SUSD1: variants seen among roughly 807,000 people sequenced by gnomAD.
SUSD1 encodes the protein sushi domain containing 1, also known as sushi domain-containing protein 1.
A neutral mutation model predicts 86.9 loss-of-function variants in SUSD1; 65 were observed. The ratio of observed to expected loss-of-function variants is 0.75; its 90% CI spans 0.61 to 0.92. The LOEUF (loss-of-function observed/expected upper bound fraction) is 0.92. SUSD1 is among the 40% of genes least tolerant of loss of function. The pLI, the probability that SUSD1 is intolerant of heterozygous loss-of-function variation, is 0.00. For missense variants in SUSD1, 850 were observed against 929.7 expected (o/e 0.91, Z 1.11); for synonymous variants, 346 against 350.0 (o/e 0.99, Z 0.13).
At chr9:112,112,090 A>G in intron 7 of SUSD1, 1 of 368,886 alleles carries the variant, frequency 2.7e-6, no homozygotes. Context: ...AAATGGAGAC[A>G]ATTGCAACCT....
In SUSD1 at chr9:112,078,813, T is replaced by C. The variant is rs879010808; in HGVS notation, c.1567-89A>G. 2.6e-4 allele frequency: 132 copies of C among 501,966 alleles called. No homozygotes were observed. The South Asian group carries it at 4.3e-3, about 16-fold the overall frequency. 31.1% of individuals were successfully genotyped at this position (501,966 alleles called of 1,614,324 possible). A position where few individuals can be genotyped will look rare whatever the true frequency, so the allele number is the denominator to read the frequency against. The stretch of plus-strand genomic sequence containing the variant: ...CTCCCCTTTTCCTTTTTCTTTCTCT[T>C]TTTTTTTTTTTTTTTTTGAGATGGG... On this transcript the variant is annotated intron_variant, in intron 11 of 16. Coordinates refer to ENST00000374270, the MANE Select transcript of SUSD1 (RefSeq NM_022486.5).
intron 6 of SUSD1, among the ~76,000 whole-genome samples, chr9:112,115,824 G>GAAAAAAAAAAGAAAAAAAAAAAA (rs11269025): frequency 1.7e-5 from 2 of 120,948 alleles, no homozygotes; most frequent in African/African-American, 3.1e-5. Context: ...AAAAAAAAAA[G>GAAAAAAAAAAGAAAAAAAAAAAA]AAAAAAAAAA....
At chr9:112,045,333 T>C (rs1827909885) in intron 15 of SUSD1, among the ~76,000 whole-genome samples, 1 of 152,186 alleles carries the variant, frequency 6.6e-6, no homozygotes, top group African/African-American at 2.4e-5. Context: ...TTGATGAATA[T>C]GTTGAACTGA....
chr9:112,099,973 T>C (rs570655090), intron 9 of SUSD1, among the ~76,000 whole-genome samples: 2 of 152,334 alleles, frequency 1.3e-5, no homozygotes, highest in African/African-American at 4.8e-5. Flanking sequence ...CCCATATCCA[T>C]GGCCACAACC....
chr9:112,121,489 T>G (rs1232991974), intron 6 of SUSD1, among the ~76,000 whole-genome samples: 1 of 152,214 alleles, frequency 6.6e-6, no homozygotes. Flanking sequence ...AAGAGGGTCA[T>G]GCCGACAAAG....
At chr9:112,111,880 G>A (rs2131645259) in intron 7 of SUSD1, 40 bp from the exon 8 acceptor site, 1 of 1,597,984 alleles carries the variant, frequency 6.3e-7, no homozygotes, top group Non-Finnish European at 8.5e-7. Flanking sequence ...TCTGACTCCA[G>A]TCAAAACAAT....
chr9:112,081,246 G>T (rs2131562125), intron 10 of SUSD1, among the ~76,000 whole-genome samples: 3 of 152,296 alleles, frequency 2.0e-5, no homozygotes, highest in Middle Eastern at 6.8e-3. Flanking sequence ...CGTGAAAAAA[G>T]GAAGGTCTCA....
rs1321012903 is a variant in SUSD1, at chr9:112,045,630, G to A, written c.2150-3670C>T. Among the ~76,000 whole-genome samples the A allele has an allele frequency of 2.6e-5, 4 of 152,166 alleles. No individual in the cohort carries two copies. The East Asian group carries it at 7.7e-4, about 29-fold the overall frequency. ...CGGGAACTGCTGTTTTTTCTACCAG[G>A]GATACACAAGCCATCACTTGAAGAC... On this transcript the variant is annotated intron_variant, in intron 15 of 16. Transcript: ENST00000374270.
At chr9:112,054,901 G>A (rs1476983930) in intron 14 of SUSD1, among the ~76,000 whole-genome samples, 1 of 152,188 alleles carries the variant, frequency 6.6e-6, no homozygotes, top group Non-Finnish European at 1.5e-5. Context: ...GCAACCCACA[G>A]AATGGGCGAA....
At chr9:112,068,172 A>T (rs928444771) in intron 12 of SUSD1, among the ~76,000 whole-genome samples, 3 of 152,168 alleles carry the variant, frequency 2.0e-5, no homozygotes, top group Non-Finnish European at 4.4e-5. Flanking sequence ...TGATGGAGTT[A>T]TATACAGAGC....
intron 6 of SUSD1, among the ~76,000 whole-genome samples, chr9:112,123,076 C>T (rs1460994641): frequency 6.6e-6 from 1 of 152,164 alleles, no homozygotes; most frequent in Non-Finnish European, 1.5e-5. Flanking sequence ...CTGAACTGCA[C>T]ACTTAAAAAT....
At chr9:112,070,093 C>T (rs778916114) in intron 12 of SUSD1, among the ~76,000 whole-genome samples, 1 of 152,138 alleles carries the variant, frequency 6.6e-6, no homozygotes, top group Non-Finnish European at 1.5e-5. Context: ...GCAGCCTCCG[C>T]CTCCCGGGCT....
intron 6 of SUSD1, 80 bp downstream of exon 6, chr9:112,124,177 G>C: frequency 7.1e-7 from 1 of 1,399,300 alleles, no homozygotes; most frequent in African/African-American, 1.4e-5. Context: ...GAGTGAAGCA[G>C]CAATCAGATA....
intron 10 of SUSD1, among the ~76,000 whole-genome samples, chr9:112,094,880 C>T (rs76519469): frequency 0.044 from 6,714 of 152,194 alleles, 502 homozygotes; most frequent in African/African-American, 0.15. Flanking sequence ...AGTGAATGAT[C>T]AGTGTAGAAT....
rs140050061 is a variant in SUSD1, at chr9:112,161,651, C to T, written c.104-4038G>A. Among the ~76,000 whole-genome samples, 556 of 151,920 alleles carry T rather than the reference C, an allele frequency of 3.7e-3. 5 individuals are homozygous for T. The highest frequency in any genetic ancestry group is 0.012 in the African/African-American group (506 of 41,460). On this transcript the variant is annotated intron_variant, in intron 1 of 16. Transcript: ENST00000374270. ...CAGCCTGGTCAACATGGTGAAACAC[C>T]GTCTTTACTAAAATACAAAAATTAG...
rs577746155 is a variant in SUSD1, at chr9:112,116,235, T to C, written c.887-3367A>G. On this transcript the variant is annotated intron_variant, in intron 6 of 16. Coordinates refer to ENST00000374270, the MANE Select transcript of SUSD1 (RefSeq NM_022486.5). ...ACAACTGTAAATGGCATCTCAAAGA[T>C]GCCATCTGCCTCCAGCCTGTGCCAT... Among the ~76,000 whole-genome samples, 5 of 152,336 alleles carry C rather than the reference T, an allele frequency of 3.3e-5. No homozygotes were observed. The South Asian group carries it at 6.2e-4, about 19-fold the overall frequency.
intron 13 of SUSD1, 86 bp downstream of exon 13, chr9:112,062,851 A>G: frequency 1.1e-6 from 1 of 872,622 alleles, no homozygotes; most frequent in South Asian, 1.5e-5. Context: ...CCACCAACAC[A>G]GAAGTCTTCT....
intron 12 of SUSD1, among the ~76,000 whole-genome samples, chr9:112,064,163 G>A (rs1210125722): frequency 2.6e-5 from 4 of 151,736 alleles, no homozygotes; most frequent in Non-Finnish European, 5.9e-5. Flanking sequence ...GTCTACATTT[G>A]CCCTATAGCC....
intron 8 of SUSD1, among the ~76,000 whole-genome samples, chr9:112,109,644 C>T (rs932002427): frequency 1.3e-5 from 2 of 152,158 alleles, no homozygotes; most frequent in Non-Finnish European, 2.9e-5. Flanking sequence ...CCATGTTTTT[C>T]CCAAGGGAAA....
Sources: allele counts gnomAD v4.1 joint callset (sites outside exome capture counted in the v4.1 genomes callset), GRCh38; gene constraint gnomAD v4.1.1; transcripts MANE v1.5; gene names NCBI Gene and HGNC (gene_info 2026-07-23, HGNC 2026-07-21).